Variants in CTNND2 observed in about 807,000 individuals in gnomAD.
CTNND2 encodes the protein catenin delta-2.
In CTNND2, 22 loss-of-function variants were observed where a neutral mutation model predicts 144.4. The ratio of observed to expected loss-of-function variants is 0.15; its 90% confidence interval spans 0.11 to 0.22. The LOEUF is 0.22. Ranked by LOEUF, CTNND2 falls within the 10% of genes least tolerant of loss-of-function variation. CTNND2 has a pLI of 1.00. For missense variants in CTNND2, 1,353 were observed against 1,618.8 expected, an observed-to-expected ratio of 0.84 and a Z score of 2.82; for synonymous variants, 751 against 695.6, an observed-to-expected ratio of 1.08 and a Z score of -1.25.
chr5:11,588,816 A>G (rs1029064140), intron 2 of CTNND2: 2 of 985,356 alleles, frequency 2.0e-6, no homozygotes, highest in Non-Finnish European at 2.4e-6. Context: ...AGTCCCAAAG[A>G]TGAAGGGTTA....
At chr5:11,898,777 C>T (rs1737612940) in intron 1 of CTNND2, among the ~76,000 whole-genome samples, 1 of 152,158 alleles carries the variant, frequency 6.6e-6, no homozygotes, top group South Asian at 2.1e-4. Context: ...GTTCCCACAA[C>T]AACACATAAA....
intron 9 of CTNND2, among the ~76,000 whole-genome samples, chr5:11,257,452 C>T (rs547255743): frequency 6.6e-6 from 1 of 152,168 alleles, no homozygotes; most frequent in Admixed American, 6.5e-5. Flanking sequence ...AGTTCTGCAT[C>T]GCCGGGGAGG....
chr5:11,704,026 A>G (rs1480528886), intron 2 of CTNND2, among the ~76,000 whole-genome samples: 2 of 152,180 alleles, frequency 1.3e-5, no homozygotes, highest in African/African-American at 4.8e-5. Context: ...GCATCCTACA[A>G]TTTTTTTCAT....
chr5:11,269,248 C>T (rs1007997028), intron 9 of CTNND2, among the ~76,000 whole-genome samples: 3 of 152,222 alleles, frequency 2.0e-5, no homozygotes, highest in Non-Finnish European at 4.4e-5. Context: ...ACAGCGCTTA[C>T]CCCAAGCTAG....
At chr5:11,630,021 C>A (rs569358599) in intron 2 of CTNND2, among the ~76,000 whole-genome samples, 70 of 152,198 alleles carry the variant, frequency 4.6e-4, no homozygotes, top group Non-Finnish European at 9.4e-4. Context: ...ATATATGTTT[C>A]TTAAATGTTC....
Position 11,762,814 on chromosome 5 carries a change from G to C in CTNND2, c.38-30542C>G, listed in dbSNP as rs189074567. ...CCTGTTCATATATGGATTTGGATCT[G>C]AAACCACACATTTGAGTTCACAAAA... On this transcript the variant is annotated intron_variant, in intron 1 of 21. Transcript: ENST00000304623. Among the ~76,000 whole-genome samples the C allele has an allele frequency of 3.9e-4, 59 of 152,278 alleles. No homozygotes were observed. In the East Asian group the frequency reaches 0.011, roughly 28 times the overall value.
intron 1 of CTNND2, among the ~76,000 whole-genome samples, chr5:11,896,541 T>C (rs563913942): frequency 2.0e-5 from 3 of 152,164 alleles, no homozygotes; most frequent in Non-Finnish European, 4.4e-5. Context: ...TAACTTTAAG[T>C]CATGCATTCA....
intron 16 of CTNND2, among the ~76,000 whole-genome samples, chr5:11,026,356 C>CTTTTT (rs67196223): frequency 0.011 from 1,260 of 116,976 alleles, 30 homozygotes; most frequent in Non-Finnish European, 0.017. Context: ...CCTTCTTCTT[C>CTTTTT]TTTTTTTTTT....
intron 14 of CTNND2, among the ~76,000 whole-genome samples, chr5:11,101,345 G>C (rs1751858437): frequency 1.3e-5 from 2 of 152,258 alleles, no homozygotes; most frequent in South Asian, 4.1e-4. Context: ...ATTTTGTCTA[G>C]CTCATCAACA....
chr5:11,256,025 G>A (rs1044128968), intron 9 of CTNND2, among the ~76,000 whole-genome samples: 13 of 152,120 alleles, frequency 8.5e-5, no homozygotes, highest in African/African-American at 2.2e-4. Context: ...CCTGCGTTCC[G>A]GCCACTGCCT....
chr5:11,236,752 T>C lies in CTNND2; in HGVS notation c.1700A>G (p.Gln567Arg), dbSNP rs1741678199. The part of the protein sequence containing the change: ...QMLQHQFPSV[Q>R]SNAAAYLQHL... ...TTGCAAGTAGGCTGCCGCGTTAGAC[T>C]GGACCGAGGGAAACTGGTGCTGCAA... The change falls in exon 10 of 22, where the codon CAG becomes CGG. Residue 567 changes from glutamine to arginine, a missense_variant. Around this residue, in one of 4 missense-constraint regions of CTNND2, gnomAD observed 69 missense variants for 120.3 expected, o/e 0.57. Transcript: ENST00000304623. The C allele has an allele frequency of 1.9e-6, 3 of 1,614,188 alleles. No homozygotes were observed. Among genetic ancestry groups the C allele is most frequent in the East Asian group, 2.2e-5 (1 of 44,876 alleles).
intron 3 of CTNND2, among the ~76,000 whole-genome samples, chr5:11,415,900 C>G (rs1002842260): frequency 3.3e-5 from 5 of 151,784 alleles, no homozygotes; most frequent in African/African-American, 1.2e-4. Context: ...TCTCTTAAGC[C>G]CTGTGTTGAG....
At chr5:11,009,376 G>A (rs796704296) in intron 18 of CTNND2, among the ~76,000 whole-genome samples, 6 of 152,288 alleles carry the variant, frequency 3.9e-5, no homozygotes, top group African/African-American at 1.2e-4. Context: ...ATTGAGACAG[G>A]GGAAGCCACA....
intron 10 of CTNND2, among the ~76,000 whole-genome samples, chr5:11,225,375 CA>C (rs1740217774): frequency 6.6e-6 from 1 of 152,196 alleles, no homozygotes; most frequent in Non-Finnish European, 1.5e-5. Flanking sequence ...TAATTCCTAA[CA>C]TTAAGACCCC....
chr5:11,357,399 G>T (rs1274515698), intron 8 of CTNND2, among the ~76,000 whole-genome samples: 1 of 151,976 alleles, frequency 6.6e-6, no homozygotes, highest in Admixed American at 6.6e-5. Flanking sequence ...TGAGCCTGGA[G>T]GTATCATGCT....
At chr5:11,670,723 T>C (rs747535455) in intron 2 of CTNND2, among the ~76,000 whole-genome samples, 3 of 152,228 alleles carry the variant, frequency 2.0e-5, no homozygotes, top group Non-Finnish European at 2.9e-5. Context: ...CTTGACTCTT[T>C]ATCCAATTTG....
rs1185628193 is a variant in CTNND2, at chr5:11,435,305, A to T, written c.288-23236T>A. Among the ~76,000 whole-genome samples the T allele has an allele frequency of 3.3e-4, 49 of 148,282 alleles. No individual in the cohort carries two copies. The Admixed American group carries it at 3.3e-3, about 10-fold the overall frequency. ...AGGTGGCCGCCACCAAGCCCGGCTA[A>T]TTTTTTTTTTGTATTTTTAGTAGAG... On this transcript the variant is annotated intron_variant, in intron 3 of 21. Transcript: ENST00000304623.
chr5:11,667,338 C>T (rs1268428959), intron 2 of CTNND2, among the ~76,000 whole-genome samples: 1 of 152,130 alleles, frequency 6.6e-6, no homozygotes, highest in Non-Finnish European at 1.5e-5. Flanking sequence ...TGAGGAATTG[C>T]CACACTGTCT....
chr5:11,798,103 C>CA (rs557718290), intron 1 of CTNND2, among the ~76,000 whole-genome samples: 4,658 of 145,998 alleles, frequency 0.032, 112 homozygotes, highest in African/African-American at 0.07. Context: ...ACTAAAAATA[C>CA]AAAAAAAAAA....
Sources: gnomAD v4.1 joint callset for allele counts (sites outside exome capture counted in the v4.1 genomes callset) on GRCh38, gnomAD v4.1.1 for gene constraint, gnomAD v4.1.1 regional missense constraint, MANE v1.5 for transcripts, NCBI Gene and HGNC (gene_info 2026-07-23, HGNC 2026-07-21) for gene names.